The following KIF4A variants were observed in gnomAD, a reference collection of about 807,000 sequenced individuals.
KIF4A encodes kinesin family member 4A.
A neutral mutation model predicts 105.9 loss-of-function variants in KIF4A; 7 were observed. The observed-to-expected ratio is 0.07, with a 90% CI of 0.04 to 0.12. The LOEUF (loss-of-function observed/expected upper bound fraction) is 0.12. Ranked by LOEUF, KIF4A falls within the 10% of genes least tolerant of loss-of-function variation. The pLI is 1.00. For synonymous variants in KIF4A, 281 were observed against 331.3 expected, an observed-to-expected ratio of 0.85 and a Z score of 1.65; for missense variants, 558 against 929.2, an observed-to-expected ratio of 0.60 and a Z score of 5.19.
intron 7 of KIF4A, among the ~76,000 whole-genome samples, chrX:70,324,521 C>T (rs141642727): frequency 0.017 from 1,849 of 111,920 alleles, 37 homozygotes; most frequent in African/African-American, 0.056. Context: ...CATGTTTATG[C>T]CTTAAGTACT....
intron 28 of KIF4A, among the ~76,000 whole-genome samples, chrX:70,417,406 A>G (rs1033871876): frequency 5.4e-5 from 6 of 111,729 alleles, no homozygotes; most frequent in Non-Finnish European, 9.4e-5. Flanking sequence ...CAGCACTTTG[A>G]TAGGCCGAGG....
At chrX:70,333,530 G>A (rs2085939423) in intron 9 of KIF4A, 98 bp from the exon 10 acceptor site, 1 of 587,701 alleles carries the variant, frequency 1.7e-6, no homozygotes, top group African/African-American at 2.2e-5. Flanking sequence ...TAGACATTTA[G>A]TAAAATTACT....
At chrX:70,347,799 C>A (rs1468789685) in intron 13 of KIF4A, among the ~76,000 whole-genome samples, 1 of 99,074 alleles carries the variant, frequency 1.0e-5, no homozygotes, top group Non-Finnish European at 2.0e-5. Flanking sequence ...CAAGGTGAAA[C>A]CCCGTCTCTA....
intron 28 of KIF4A, among the ~76,000 whole-genome samples, chrX:70,408,017 G>A (rs1007306188): frequency 1.8e-5 from 2 of 108,852 alleles, no homozygotes; most frequent in Non-Finnish European, 3.8e-5. Context: ...GCAGTGAGCC[G>A]AGATCATGCC....
At chrX:70,315,084 G>C (rs2085864305) in intron 7 of KIF4A, among the ~76,000 whole-genome samples, 1 of 111,682 alleles carries the variant, frequency 9.0e-6, no homozygotes. Flanking sequence ...TAAACTTAAT[G>C]TAAGGGGTTT....
At chrX:70,377,706 T>G (rs2086180401) in intron 18 of KIF4A, among the ~76,000 whole-genome samples, 1 of 112,359 alleles carries the variant, frequency 8.9e-6, no homozygotes, top group African/African-American at 3.2e-5. Flanking sequence ...GAGGCCAAGG[T>G]GGGCAGATCA....
chrX:70,383,186 CAAA>C (rs372003538), intron 18 of KIF4A, among the ~76,000 whole-genome samples: 2 of 56,037 alleles, frequency 3.6e-5, no homozygotes, highest in Admixed American at 4.6e-4. Context: ...GACTCCATCT[CAAA>C]AAAAAAAAAA....
At chrX:70,386,527 A>G in intron 18 of KIF4A, 91 bp from the exon 19 acceptor site, 1 of 658,599 alleles carries the variant, frequency 1.5e-6, no homozygotes. Flanking sequence ...TTAACCTTAC[A>G]AATCAAGGAT....
intron 30 of KIF4A, 56 bp from the exon 31 acceptor site, chrX:70,420,006 G>C: frequency 9.0e-7 from 1 of 1,108,043 alleles, no homozygotes; most frequent in South Asian, 2.0e-5. Context: ...AGCTCGGCTG[G>C]GCTGAGCTTC....
At chrX:70,393,097 A>G (rs1450139870) in intron 20 of KIF4A, among the ~76,000 whole-genome samples, 1 of 110,050 alleles carries the variant, frequency 9.1e-6, no homozygotes, top group Non-Finnish European at 1.9e-5. Context: ...GTATTCCTTT[A>G]ACAACATCCC....
rs1327912441 is a variant in KIF4A, at chrX:70,402,560, C to T, written c.2490-6C>T. On this transcript the variant is annotated splice_polypyrimidine_tract_variant and splice_region_variant and intron_variant, in intron 22 of 30. Coordinates refer to ENST00000374403, the MANE Select transcript of KIF4A (RefSeq NM_012310.5). ...GCAATAAGGCTTACTGTTTCTTTCC[C>T]TGAAGGAGTGCTCAGATTGCTGACC... is the stretch of plus-strand genomic sequence containing the variant. 3.3e-6 allele frequency: 4 copies of T among 1,209,763 alleles called. No individual in the cohort carries two copies. Among genetic ancestry groups the T allele is most frequent in the Non-Finnish European group, 4.5e-6 (4 of 894,881 alleles).
chrX:70,316,715 T>G (rs2085870968), intron 7 of KIF4A, among the ~76,000 whole-genome samples: 1 of 111,914 alleles, frequency 8.9e-6, no homozygotes, highest in Admixed American at 9.5e-5. Flanking sequence ...AAGTGTCACT[T>G]GTGCTCTCTT....
chrX:70,420,245 A>G lies in KIF4A; in HGVS notation c.3679A>G (p.Ile1227Val). The change falls in exon 31 of 31, where the codon ATC becomes GTC. Residue 1227 changes from isoleucine to valine, a missense_variant. Ile to Val is a conservative substitution (Grantham distance 29, BLOSUM62 3). Transcript: ENST00000374403. The stretch of plus-strand genomic sequence containing the variant: ...CAGCTTCTTCTCTGGCTGCTCCCCT[A>G]TCGAAGAAGAGGCCCACTGAAGTTG... ...NTSFFSGCSP[I>V]EEEAH 7 of 1,207,917 alleles carry G rather than the reference A, an allele frequency of 5.8e-6. No individual in the cohort carries two copies. The highest frequency in any genetic ancestry group is 7.8e-6 in the Non-Finnish European group (7 of 894,456).
At chrX:70,364,634 G>T (rs1293723679) in intron 15 of KIF4A, among the ~76,000 whole-genome samples, 1 of 111,150 alleles carries the variant, frequency 9.0e-6, no homozygotes, top group Non-Finnish European at 1.9e-5. Context: ...TGCTGTTTTG[G>T]TTGCTGTAGC....
chrX:70,373,360 G>A (rs1208602017), intron 15 of KIF4A, among the ~76,000 whole-genome samples: 1 of 94,126 alleles, frequency 1.1e-5, no homozygotes, highest in African/African-American at 3.8e-5. Context: ...GAGGGAGGGA[G>A]GGAAAAGAAA....
chrX:70,373,536 A>ACATGTGTG (rs1298420787), intron 15 of KIF4A, among the ~76,000 whole-genome samples: 2 of 35,794 alleles, frequency 5.6e-5, no homozygotes, highest in African/African-American at 5.1e-4. Context: ...ATATATATAT[A>ACATGTGTG]TATATATATA....
At chrX:70,351,538 G>C (rs2086030489) in intron 13 of KIF4A, among the ~76,000 whole-genome samples, 1 of 110,874 alleles carries the variant, frequency 9.0e-6, no homozygotes, top group Non-Finnish European at 1.9e-5. Flanking sequence ...GTAGTCCATG[G>C]TGTATCAATG....
Position 70,315,567 on chromosome X carries a change from T to C in KIF4A, c.778+13169T>C, listed in dbSNP as rs2085866145. Among the ~76,000 whole-genome samples, 3 of 111,865 alleles carry C rather than the reference T, an allele frequency of 2.7e-5. No individual in the cohort carries two copies. The South Asian group carries it at 1.1e-3, about 42-fold the overall frequency. On this transcript the variant is annotated intron_variant, in intron 7 of 30. Coordinates refer to ENST00000374403, the MANE Select transcript of KIF4A (RefSeq NM_012310.5). ...GGCTTCTGGGTCCCTTTAGGTGTAT[T>C]GTTATTTTCCTTGGTCTGCTCTCTG...
intron 15 of KIF4A, among the ~76,000 whole-genome samples, chrX:70,365,266 C>A (rs1343438979): frequency 8.9e-6 from 1 of 111,800 alleles, no homozygotes. Context: ...CTGGCCAGAA[C>A]TTCCAACACT....
Sources: allele counts gnomAD v4.1 joint callset (sites outside exome capture counted in the v4.1 genomes callset), GRCh38; gene constraint gnomAD v4.1.1; transcripts MANE v1.5; gene names NCBI Gene and HGNC (gene_info 2026-07-23, HGNC 2026-07-21).